The following NKAIN3 variants were observed in gnomAD, a reference collection of about 807,000 sequenced individuals.
NKAIN3 encodes the protein sodium/potassium-transporting ATPase subunit beta-1-interacting protein 3.
Under a neutral mutation model 30.2 loss-of-function variants are expected in NKAIN3, and 25 were observed. That is an observed-to-expected ratio of 0.83 (90% CI 0.60 to 1.16). The LOEUF is 1.16. Among genes scored for constraint, NKAIN3 ranks in the 50% most tolerant of loss-of-function variants. NKAIN3 has a pLI of 0.00. For synonymous variants in NKAIN3, 91 were observed against 89.6 expected (o/e 1.02, Z -0.09); for missense variants, 225 against 254.1 (o/e 0.89, Z 0.78).
chr8:62,396,312 C>T (rs1276137459), intron 1 of NKAIN3, among the ~76,000 whole-genome samples: 2 of 152,178 alleles, frequency 1.3e-5, no homozygotes, highest in Non-Finnish European at 2.9e-5. Context: ...GAGAAGTCCC[C>T]TCAAAAGCCC....
intron 1 of NKAIN3, among the ~76,000 whole-genome samples, chr8:62,459,134 G>A (rs777101667): frequency 3.3e-5 from 5 of 151,578 alleles, no homozygotes; most frequent in Non-Finnish European, 5.9e-5. Flanking sequence ...AGCAGTGCTT[G>A]ATCATGAGGC....
intron 4 of NKAIN3, among the ~76,000 whole-genome samples, chr8:62,906,959 G>A (rs1041610471): frequency 2.6e-5 from 4 of 152,170 alleles, no homozygotes; most frequent in Admixed American, 2.0e-4. Context: ...GCAGAGAGTG[G>A]AACAGTTCGA....
chr8:62,798,964 G>A (rs1242994279), intron 4 of NKAIN3, among the ~76,000 whole-genome samples: 2 of 152,120 alleles, frequency 1.3e-5, no homozygotes, highest in Non-Finnish European at 2.9e-5. Context: ...TGGAGTCAAG[G>A]CAGTAACCAG....
intron 4 of NKAIN3, among the ~76,000 whole-genome samples, chr8:62,905,261 A>T (rs1019715081): frequency 1.3e-5 from 2 of 152,188 alleles, no homozygotes; most frequent in African/African-American, 4.8e-5. Flanking sequence ...TGGAGTACAG[A>T]TGCATGGCAG....
rs190790669 is a variant in NKAIN3 at position 62,479,408 on chromosome 8, A to G, written c.55-100131A>G. Among the ~76,000 whole-genome samples the G allele has an allele frequency of 1.1e-4, 16 of 152,266 alleles. No homozygotes were observed. In the East Asian group the frequency reaches 2.7e-3, roughly 26 times the overall value. On this transcript the variant is annotated intron_variant, in intron 1 of 6. Coordinates refer to ENST00000623646, the MANE Select transcript of NKAIN3 (RefSeq NM_001304533.3). The stretch of plus-strand genomic sequence containing the variant: ...TGAGCAAATCAAGTTGCCCCAAATC[A>G]CATGGCTTCTACATGGTGAAGCCTG...
chr8:62,249,515 T>C (rs1000861825), intron 1 of NKAIN3, among the ~76,000 whole-genome samples: 2 of 152,370 alleles, frequency 1.3e-5, no homozygotes, highest in Admixed American at 1.3e-4. Flanking sequence ...GGGCTCTTTC[T>C]TCTTAGGATG....
chr8:62,324,940 T>C (rs1815064970), intron 1 of NKAIN3, among the ~76,000 whole-genome samples: 1 of 151,572 alleles, frequency 6.6e-6, no homozygotes, highest in Non-Finnish European at 1.5e-5. Context: ...GAGAATGTCA[T>C]CCTGCAGTGT....
At chr8:62,751,060 T>C (rs1816266782) in intron 4 of NKAIN3, among the ~76,000 whole-genome samples, 1 of 152,186 alleles carries the variant, frequency 6.6e-6, no homozygotes, top group Non-Finnish European at 1.5e-5. Context: ...TCTCATCACC[T>C]TCAGGATGAA....
intron 1 of NKAIN3, among the ~76,000 whole-genome samples, chr8:62,474,506 C>G (rs920011499): frequency 6.6e-6 from 1 of 152,066 alleles, no homozygotes. Context: ...GGCAAACGTA[C>G]AAAGACCACA....
Position 62,977,251 on chromosome 8 carries a change from T to C in NKAIN3, c.*11844T>C, listed in dbSNP as rs1394447357. ...TATTTCCTAAGCCTGCCTTGCGAGG[T>C]TGGGGAAGTTCTCCTGGATTATATC... is the stretch of plus-strand genomic sequence containing the variant. On this transcript the variant is annotated 3_prime_UTR_variant, in exon 7 of 7. Coordinates refer to ENST00000623646, the MANE Select transcript of NKAIN3 (RefSeq NM_001304533.3). Among the ~76,000 whole-genome samples, 2 of 152,164 alleles carry C rather than the reference T, an allele frequency of 1.3e-5. No individual in the cohort carries two copies. The highest frequency in any genetic ancestry group is 2.4e-5 in the African/African-American group (1 of 41,432).
At chr8:62,574,781 A>T (rs1330144189) in intron 1 of NKAIN3, among the ~76,000 whole-genome samples, 1 of 152,018 alleles carries the variant, frequency 6.6e-6, no homozygotes, top group Non-Finnish European at 1.5e-5. Context: ...TTTGGTTTGC[A>T]TTTCTCTGAT....
intron 5 of NKAIN3, among the ~76,000 whole-genome samples, chr8:62,939,089 C>G (rs190633373): frequency 2.6e-5 from 4 of 152,054 alleles, no homozygotes; most frequent in Admixed American, 2.6e-4. Context: ...GAAGGACACA[C>G]TTAGAGAAAT....
intron 1 of NKAIN3, among the ~76,000 whole-genome samples, chr8:62,472,936 A>G (rs1484224444): frequency 1.3e-5 from 2 of 152,232 alleles, no homozygotes; most frequent in Non-Finnish European, 2.9e-5. Flanking sequence ...CTGCACCAAC[A>G]CAAACTCTTC....
At chr8:62,805,801 T>C (rs557232829) in intron 4 of NKAIN3, among the ~76,000 whole-genome samples, 42 of 152,094 alleles carry the variant, frequency 2.8e-4, no homozygotes, top group Non-Finnish European at 5.1e-4. Context: ...AATGGACAAA[T>C]GGGATCTAAT....
Position 62,842,142 on chromosome 8 carries a change from C to T in NKAIN3, c.472-76311C>T, listed in dbSNP as rs185713922. ...TCAGGTCCTTTGCCCACTTTTAAAT[C>T]GGTTTATTTGTTTGCTTACTATTGA... is the stretch of plus-strand genomic sequence containing the variant. On this transcript the variant is annotated intron_variant, in intron 4 of 6. Transcript: ENST00000623646. Among the ~76,000 whole-genome samples, 10 of 152,050 alleles carry T rather than the reference C, an allele frequency of 6.6e-5. No individual in the cohort carries two copies. In the East Asian group the frequency reaches 1.2e-3, roughly 18 times the overall value.
At chr8:62,674,018 G>A (rs1036117187) in intron 3 of NKAIN3, among the ~76,000 whole-genome samples, 1 of 152,184 alleles carries the variant, frequency 6.6e-6, no homozygotes, top group Non-Finnish European at 1.5e-5. Context: ...GTTTGTTGGT[G>A]TGTTGGCAGG....
intron 5 of NKAIN3, among the ~76,000 whole-genome samples, chr8:62,937,825 A>T (rs1238185016): frequency 1.3e-5 from 2 of 152,078 alleles, no homozygotes; most frequent in African/African-American, 4.8e-5. Flanking sequence ...AGCCTTGCTT[A>T]CTGGTTGCGT....
chr8:62,488,766 A>G (rs1277341498), intron 1 of NKAIN3, among the ~76,000 whole-genome samples: 1 of 152,162 alleles, frequency 6.6e-6, no homozygotes, highest in East Asian at 1.9e-4. Context: ...TGTGAGCAAA[A>G]CAAAATTTTT....
At chr8:62,408,755 GAAAGTGAA>G in intron 1 of NKAIN3, among the ~76,000 whole-genome samples, 2 of 152,192 alleles carry the variant, frequency 1.3e-5, no homozygotes, top group Admixed American at 1.3e-4. Flanking sequence ...CATTATGGAG[GAAAGTGAA>G]AAAGTGAAGG....
Sources: gnomAD v4.1 joint callset for allele counts (sites outside exome capture counted in the v4.1 genomes callset) on GRCh38, gnomAD v4.1.1 for gene constraint, MANE v1.5 for transcripts, NCBI Gene and HGNC (gene_info 2026-07-23, HGNC 2026-07-21) for gene names.